APP: variants seen among roughly 807,000 people sequenced by gnomAD.
The protein encoded by APP is amyloid beta precursor protein.
In APP, 31 loss-of-function variants were observed where a neutral mutation model predicts 101.4. That is an observed-to-expected ratio of 0.31 (90% CI 0.23 to 0.41). The LOEUF is 0.41. Ranked by LOEUF, APP falls within the 10% of genes least tolerant of loss-of-function variation. The pLI is 1.00. For synonymous variants in APP, 366 were observed against 364.4 expected, an observed-to-expected ratio of 1.00 and a Z score of -0.05; for missense variants, 839 against 1,003.7, an observed-to-expected ratio of 0.84 and a Z score of 2.22.
chr21:25,942,267 G>A (rs1459437145), intron 13 of APP: 11 of 152,126 alleles, frequency 7.2e-5, no homozygotes, highest in Admixed American at 6.5e-4. Flanking sequence ...ACCCAGTTTT[G>A]TTTAACTTGG....
rs117127370 is a variant in APP at position 26,034,753 on chromosome 21, T to G, written c.663-12711A>C. 1.9e-3 allele frequency among the ~76,000 whole-genome samples: 287 copies of G among 152,080 alleles called. 6 individuals carry two copies. In the East Asian group the frequency reaches 0.048, roughly 26 times the overall value. ...GACCAATCAGGAACAATGTCTAAAA[T>G]TGTGTATGAAAAGCCATTCACTCAT... On this transcript the variant is annotated intron_variant, in intron 5 of 17. Transcript: ENST00000346798.
intron 13 of APP, among the ~76,000 whole-genome samples, chr21:25,918,558 G>C (rs920914782): frequency 6.6e-6 from 1 of 152,034 alleles, no homozygotes; most frequent in East Asian, 1.9e-4. Context: ...GCGAGGCATT[G>C]CCTCACCTGG....
intron 13 of APP, among the ~76,000 whole-genome samples, chr21:25,948,813 A>G (rs1285478242): frequency 2.0e-5 from 3 of 151,860 alleles, no homozygotes; most frequent in African/African-American, 7.3e-5. Flanking sequence ...CAAAGGACAA[A>G]GAAAACACCA....
chr21:26,055,009 T>C (rs1336361118), intron 3 of APP, among the ~76,000 whole-genome samples: 1 of 152,210 alleles, frequency 6.6e-6, no homozygotes, highest in Non-Finnish European at 1.5e-5. Flanking sequence ...CAATAAGTAC[T>C]ATTTAGATAA....
At chr21:25,883,299 A>T (rs1435058592) in intron 17 of APP, among the ~76,000 whole-genome samples, 10 of 152,132 alleles carry the variant, frequency 6.6e-5, no homozygotes. Flanking sequence ...GCTGCTCCAC[A>T]GGCGGAGGCA....
At chr21:25,969,183 CAA>C (rs61030033) in intron 11 of APP, among the ~76,000 whole-genome samples, 2 of 134,300 alleles carry the variant, frequency 1.5e-5, no homozygotes. Flanking sequence ...ACTAAAAATA[CAA>C]AAAAAAAAAA....
chr21:26,096,116 A>G (rs930436433), intron 2 of APP, among the ~76,000 whole-genome samples: 1 of 152,222 alleles, frequency 6.6e-6, no homozygotes, highest in Admixed American at 6.5e-5. Context: ...AAGATCCCTT[A>G]GACTACACTT....
At chr21:25,936,119 C>T (rs963362541) in intron 13 of APP, among the ~76,000 whole-genome samples, 10 of 152,166 alleles carry the variant, frequency 6.6e-5, no homozygotes, top group African/African-American at 2.4e-4. Flanking sequence ...TGCTATGGAT[C>T]GAACTGTGTG....
At chr21:25,898,795 A>T (rs1399472644) in intron 15 of APP, among the ~76,000 whole-genome samples, 1 of 152,170 alleles carries the variant, frequency 6.6e-6, no homozygotes, top group Non-Finnish European at 1.5e-5. Context: ...TTCTTGTCTT[A>T]CTTGGGCTAC....
At chr21:25,894,239 C>G (rs554586124) in intron 16 of APP, among the ~76,000 whole-genome samples, 1 of 152,274 alleles carries the variant, frequency 6.6e-6, no homozygotes, top group East Asian at 1.9e-4. Context: ...TGTTTTCATG[C>G]CTGCTAACAC....
chr21:25,891,516 ACT>A lies in APP; in HGVS notation c.2211+204_2211+205del, dbSNP rs1601294761. 2.6e-5 allele frequency among the ~76,000 whole-genome samples: 4 copies of A among 152,182 alleles called. No homozygotes were observed. The South Asian group carries it at 6.2e-4, about 24-fold the overall frequency. The stretch of plus-strand genomic sequence containing the variant: ...ATTGTAAGTTGAGATAACAACACAC[ACT>A]CTCAATACCTTGAGCAGAATATTCA... On this transcript the variant is annotated intron_variant, in intron 17 of 17. Coordinates refer to ENST00000346798, the MANE Select transcript of APP (RefSeq NM_000484.4).
At chr21:26,004,187 G>GT (rs2043411895) in intron 6 of APP, among the ~76,000 whole-genome samples, 1 of 151,914 alleles carries the variant, frequency 6.6e-6, no homozygotes, top group Non-Finnish European at 1.5e-5. Flanking sequence ...ATAGACTTGG[G>GT]TTAAAGCAGT....
intron 1 of APP, among the ~76,000 whole-genome samples, chr21:26,122,132 C>A (rs2146241548): frequency 6.6e-6 from 1 of 152,260 alleles, no homozygotes; most frequent in Middle Eastern, 3.4e-3. Context: ...TTATCCCAAC[C>A]CTATTTTCCT....
chr21:26,169,999 G>A (rs943890761), intron 1 of APP, among the ~76,000 whole-genome samples: 2 of 152,216 alleles, frequency 1.3e-5, no homozygotes, highest in Non-Finnish European at 2.9e-5. Flanking sequence ...GCGAAAAGAG[G>A]TTGGAGCAAG....
rs544759024 is a variant in APP, at chr21:25,976,806, G to A, written c.1225-778C>T. Among the ~76,000 whole-genome samples, 11 of 152,334 alleles carry A rather than the reference G, an allele frequency of 7.2e-5. No homozygotes were observed. In the South Asian group the frequency reaches 2.1e-3, roughly 29 times the overall value. On this transcript the variant is annotated intron_variant, in intron 9 of 17. Transcript: ENST00000346798. ...CCAGTGCAACAATGTTGAGGGGTAAGTCCTGTAAGAGGTGATTCAGTCTCT... is the reference window on the plus strand; with the variant it reads ...CCAGTGCAACAATGTTGAGGGGTAAATCCTGTAAGAGGTGATTCAGTCTCT...
At chr21:25,913,083 T>A (rs2039164654) in intron 13 of APP, among the ~76,000 whole-genome samples, 2 of 152,306 alleles carry the variant, frequency 1.3e-5, no homozygotes, top group South Asian at 4.1e-4. Flanking sequence ...CTAGAGAAAA[T>A]GAAAATAAGA....
At chr21:25,953,306 A>G (rs1034078186) in intron 13 of APP, among the ~76,000 whole-genome samples, 1 of 152,226 alleles carries the variant, frequency 6.6e-6, no homozygotes, top group Non-Finnish European at 1.5e-5. Context: ...ACAGAACATC[A>G]TCACTTGACA....
intron 1 of APP, among the ~76,000 whole-genome samples, chr21:26,145,766 CTG>C (rs925435002): frequency 2.7e-5 from 4 of 146,554 alleles, no homozygotes; most frequent in African/African-American, 1.1e-4. Context: ...TATAAATTTT[CTG>C]TTTTTTATAT....
intron 14 of APP, among the ~76,000 whole-genome samples, chr21:25,908,513 A>C (rs1020686105): frequency 6.6e-6 from 1 of 152,132 alleles, no homozygotes; most frequent in African/African-American, 2.4e-5. Flanking sequence ...TGTACAAAGA[A>C]AGACTAACAA....
Sources: gnomAD v4.1 joint callset for allele counts (sites outside exome capture counted in the v4.1 genomes callset) on GRCh38, gnomAD v4.1.1 for gene constraint, MANE v1.5 for transcripts, NCBI Gene and HGNC (gene_info 2026-07-23, HGNC 2026-07-21) for gene names.